The following CD302 variants were observed in gnomAD, a reference collection of about 807,000 sequenced individuals.
CD302 encodes the protein CD302 antigen.
Under a neutral mutation model 26.5 loss-of-function variants are expected in CD302, and 23 were observed. That is an observed-to-expected ratio of 0.87 (90% CI 0.62 to 1.23). CD302 has a LOEUF of 1.23. Among genes scored for constraint, CD302 ranks in the 50% most tolerant of loss-of-function variants. CD302 has a pLI of 0.00. For missense variants in CD302, 290 were observed against 275.5 expected (o/e 1.05, Z -0.37); for synonymous variants, 90 against 99.4 (o/e 0.91, Z 0.56).
In CD302 at chr2:159,769,671, C is replaced by T. The variant is rs1335935982; in HGVS notation, c.*2180G>A. 6.6e-6 allele frequency: 1 copy of T among 151,446 alleles called. No individual in the cohort carries two copies. The highest frequency in any genetic ancestry group is 1.5e-5 in the Non-Finnish European group (1 of 68,006). 9.4% of individuals were successfully genotyped at this position (151,446 alleles called of 1,614,324 possible). On this transcript the variant is annotated 3_prime_UTR_variant, in exon 6 of 6. Transcript: ENST00000259053. Reference sequence around the variant, plus strand: ...ATATATATATATAGCACTTCATTACCAGAGGCCTCTTGGCCTGTTGAAAAA... The same window carrying T: ...ATATATATATATAGCACTTCATTACTAGAGGCCTCTTGGCCTGTTGAAAAA...
intron 1 of CD302, among the ~76,000 whole-genome samples, chr2:159,785,567 T>G (rs1447476433): frequency 6.6e-6 from 1 of 152,238 alleles, no homozygotes; most frequent in Non-Finnish European, 1.5e-5. Flanking sequence ...GAGGAAGGTC[T>G]GAAAACAAGA....
chr2:159,779,230 CAAAAAAAAA>C (rs10710620), intron 4 of CD302, among the ~76,000 whole-genome samples: 13 of 47,772 alleles, frequency 2.7e-4, no homozygotes, highest in African/African-American at 8.3e-4. Flanking sequence ...GACTGCATCG[CAAAAAAAAA>C]AAAAAAAAAA....
At chr2:159,790,858 G>T (rs1305955913) in intron 1 of CD302, among the ~76,000 whole-genome samples, 1 of 152,054 alleles carries the variant, frequency 6.6e-6, no homozygotes, top group Non-Finnish European at 1.5e-5. Context: ...ATATAAAAAT[G>T]AATTAATTTT....
At chr2:159,784,598 C>T (rs1708616611) in intron 1 of CD302, among the ~76,000 whole-genome samples, 1 of 152,008 alleles carries the variant, frequency 6.6e-6, no homozygotes, top group Non-Finnish European at 1.5e-5. Flanking sequence ...ACAAGCGATC[C>T]ACCCGCCTTG....
At chr2:159,780,834 T>G in intron 3 of CD302, 48 bp downstream of exon 3, 4 of 1,559,338 alleles carry the variant, frequency 2.6e-6, no homozygotes, top group Non-Finnish European at 3.5e-6. Context: ...TTTGCTACAT[T>G]AAAAAAAGAA....
At chr2:159,783,303 A>G in intron 2 of CD302, 56 bp downstream of exon 2, 4 of 1,363,540 alleles carry the variant, frequency 2.9e-6, no homozygotes, top group Non-Finnish European at 3.0e-6. Context: ...AAAGAAATTA[A>G]TGAACACTGT....
chr2:159,774,027 T>C (rs1364396801), intron 5 of CD302, among the ~76,000 whole-genome samples: 4 of 152,034 alleles, frequency 2.6e-5, no homozygotes, highest in Non-Finnish European at 5.9e-5. Context: ...TCACCAATGA[T>C]CTCTTTATGA....
At chr2:159,785,474 A>G (rs977504822) in intron 1 of CD302, among the ~76,000 whole-genome samples, 1 of 152,220 alleles carries the variant, frequency 6.6e-6, no homozygotes, top group Non-Finnish European at 1.5e-5. Flanking sequence ...CAATCTGGCT[A>G]TAAAATTACA....
chr2:159,776,154 G>T (rs1412157583), intron 5 of CD302, among the ~76,000 whole-genome samples: 1 of 151,666 alleles, frequency 6.6e-6, no homozygotes, highest in Non-Finnish European at 1.5e-5. Context: ...CGCCCGGCCT[G>T]TGCCTGGCTT....
At chr2:159,779,743 G>A (rs1213269234) in intron 4 of CD302, among the ~76,000 whole-genome samples, 1 of 151,692 alleles carries the variant, frequency 6.6e-6, no homozygotes, top group Non-Finnish European at 1.5e-5. Context: ...ATTTCGGACC[G>A]CAGGTGCACG....
chr2:159,777,954 T>C lies in CD302; in HGVS notation c.480A>G (p.Lys160=). 1 of 1,009,874 alleles carries C rather than the reference T, an allele frequency of 9.9e-7. No individual in the cohort carries two copies. Among genetic ancestry groups the C allele is most frequent in the Non-Finnish European group, 1.4e-6 (1 of 707,270 alleles). The allele number at this position is 1,009,874 out of a possible 1,614,324, so 62.6% of individuals were successfully genotyped here. A position where few individuals can be genotyped will look rare whatever the true frequency, so the allele number is the denominator to read the frequency against. The change falls in exon 5 of 6, where the codon AAA becomes AAG. Residue 160 remains lysine (K), a synonymous_variant. Transcript: ENST00000259053. ...GTLCKTAIPY[K]RKYLSDNHIL... ...ATTACTTACCTGATAAATATTTCCT[T>C]TTGTATGGGACTAAAATACAAAAGA...
intron 5 of CD302, among the ~76,000 whole-genome samples, chr2:159,775,900 T>TG (rs943778465): frequency 4.0e-4 from 61 of 151,714 alleles, no homozygotes; most frequent in Non-Finnish European, 6.9e-4. Flanking sequence ...TCTTTTTTTT[T>TG]TGTGGTGGTT....
At chr2:159,772,717 A>C (rs1372896414) in intron 5 of CD302, among the ~76,000 whole-genome samples, 4 of 152,228 alleles carry the variant, frequency 2.6e-5, no homozygotes, top group Admixed American at 1.3e-4. Context: ...ACTCTAAAGA[A>C]TGTGAAAACT....
intron 2 of CD302, among the ~76,000 whole-genome samples, chr2:159,782,406 C>G (rs1199130293): frequency 9.1e-6 from 1 of 110,356 alleles, no homozygotes; most frequent in African/African-American, 4.1e-5. Context: ...GAGCGAGACT[C>G]CATCTCACAA....
rs1475936887 is a variant in CD302, at chr2:159,783,370, C to T, written c.167G>A (p.Cys56Tyr). The T allele has an allele frequency of 2.5e-6, 4 of 1,605,362 alleles. No homozygotes were observed. Among genetic ancestry groups the T allele is most frequent in the Non-Finnish European group, 2.5e-6 (3 of 1,177,472 alleles). ...AATAAGCCTTTTACCATGGTCAGTA[C>T]ACTGATTTCTGACATCCTCTATGCT... is the stretch of plus-strand genomic sequence containing the variant. Reference protein sequence around the residue: ...VESIEDVRNQCTDHGADMISI... With the variant: ...VESIEDVRNQYTDHGADMISI... The change falls in exon 2 of 6, where the codon TGT becomes TAT. Residue 56 changes from cysteine to tyrosine, a missense_variant. Cys to Tyr is a radical substitution (Grantham distance 194). Coordinates refer to ENST00000259053, the MANE Select transcript of CD302 (RefSeq NM_014880.5).
intron 3 of CD302, 77 bp downstream of exon 3, chr2:159,780,805 G>T: frequency 7.5e-7 from 1 of 1,328,030 alleles, no homozygotes; most frequent in Non-Finnish European, 1.1e-6. Flanking sequence ...TTGAACCAGA[G>T]AATTGAAAAG....
intron 2 of CD302, 94 bp from the exon 3 acceptor site, chr2:159,781,092 C>CCA: frequency 1.0e-6 from 1 of 970,800 alleles, no homozygotes; most frequent in Non-Finnish European, 1.5e-6. Context: ...GCTTAACTTT[C>CCA]TATATATATT....
In CD302 at chr2:159,769,350, G is replaced by GA. The variant is rs1210039286; in HGVS notation, c.*2500dup. 3 of 152,098 alleles carry GA rather than the reference G, an allele frequency of 2.0e-5. No homozygotes were observed. In the East Asian group the frequency reaches 5.8e-4, roughly 29 times the overall value. The allele number at this position is 152,098 out of a possible 1,614,324, so 9.4% of individuals were successfully genotyped here. The stretch of plus-strand genomic sequence containing the variant: ...TGTTATAGATGTTCTGGTATATAAA[G>GA]AAAAAATGTAGGCCAAGTGTGGTGG... On this transcript the variant is annotated 3_prime_UTR_variant, in exon 6 of 6. Coordinates refer to ENST00000259053, the MANE Select transcript of CD302 (RefSeq NM_014880.5).
intron 4 of CD302, among the ~76,000 whole-genome samples, chr2:159,779,760 T>C (rs754211395): frequency 1.8e-4 from 27 of 152,078 alleles, no homozygotes; most frequent in Admixed American, 5.2e-4. Context: ...CACGCCACCA[T>C]GCCCAGCTGA....
Sources: allele counts gnomAD v4.1 joint callset (sites outside exome capture counted in the v4.1 genomes callset), GRCh38; gene constraint gnomAD v4.1.1; transcripts MANE v1.5; gene names NCBI Gene and HGNC (gene_info 2026-07-23, HGNC 2026-07-21).